Variants in PPIF observed in about 807,000 individuals in gnomAD.
PPIF encodes the protein peptidyl-prolyl cis-trans isomerase F, mitochondrial.
Under a neutral mutation model 20.2 loss-of-function variants are expected in PPIF, and 23 were observed. The observed-to-expected ratio is 1.14, with a 90% CI of 0.82 to 1.61. The LOEUF is 1.61. Among genes scored for constraint, PPIF ranks in the 40% most tolerant of loss-of-function variants. PPIF has a pLI of 0.00. For synonymous variants in PPIF, 113 were observed against 123.1 expected, an observed-to-expected ratio of 0.92 and a Z score of 0.54; for missense variants, 287 against 291.6, an observed-to-expected ratio of 0.98 and a Z score of 0.11.
At position 79,347,690 on chromosome 10, in the gene PPIF, G is replaced by C; in HGVS notation, c.142G>C (p.Val48Leu). The C allele has an allele frequency of 6.7e-7, 1 of 1,483,004 alleles. No individual in the cohort carries two copies. The highest frequency in any genetic ancestry group is 9.0e-7 in the Non-Finnish European group (1 of 1,113,094). 91.9% of individuals were successfully genotyped at this position (1,483,004 alleles called of 1,614,324 possible). The part of the protein sequence containing the change: ...SSSSSSGNPL[V>L]YLDVDANGKP... ...TTCCTCCTCCTCCGGGAACCCGCTC[G>C]TGTACCTGGACGTGGACGCCAACGG... Residue 48 changes from valine (V) to leucine (L), a missense_variant, in exon 1 of 6, where the codon GTG (valine) becomes CTG (leucine). Physicochemically the swap from Val to Leu is conservative, Grantham distance 32. Coordinates refer to ENST00000225174, the MANE Select transcript of PPIF (RefSeq NM_005729.4).
chr10:79,352,552 T>A (rs1267004144), intron 5 of PPIF, among the ~76,000 whole-genome samples, 160 bp downstream of exon 5: 1 of 152,170 alleles, frequency 6.6e-6, no homozygotes, highest in Non-Finnish European at 1.5e-5. Flanking sequence ...AGAAAGTTAG[T>A]GGAAGGATCA....
At chr10:79,350,864 G>C (rs1264785864) in intron 3 of PPIF, among the ~76,000 whole-genome samples, 2 of 152,220 alleles carry the variant, frequency 1.3e-5, no homozygotes, top group Non-Finnish European at 2.9e-5. Flanking sequence ...CATGGCCTGG[G>C]CTGGGCAGCG....
At position 79,347,665 on chromosome 10, in the gene PPIF, T is replaced by TTCC; in HGVS notation, c.127_129dup (p.Ser43dup). ...GCAAGGGCTCCGGCGACCCGTCCTC[T>TTCC]TCCTCCTCCTCCGGGAACCCGCTCG... is the stretch of plus-strand genomic sequence containing the variant. On this transcript the variant is annotated inframe_insertion, in exon 1 of 6. Transcript: ENST00000225174. The TTCC allele has an allele frequency of 1.4e-6, 2 of 1,473,690 alleles. No homozygotes were observed. The highest frequency in any genetic ancestry group is 1.3e-5 in the South Asian group (1 of 75,624). 91.3% of individuals were successfully genotyped at this position (1,473,690 alleles called of 1,614,324 possible).
chr10:79,347,827 C>T lies in PPIF; in HGVS notation c.195+84C>T. ...GCCCCGGGCGGCGCGGTGCCGGGCG[C>T]GCTGGGTGACCTTGGGCCTCCCCAT... is the stretch of plus-strand genomic sequence containing the variant. On this transcript the variant is annotated intron_variant, in intron 1 of 5. Coordinates refer to ENST00000225174, the MANE Select transcript of PPIF (RefSeq NM_005729.4). 1.6e-6 allele frequency: 2 copies of T among 1,238,566 alleles called. 1 individual carries two copies. The highest frequency in any genetic ancestry group is 2.0e-6 in the Non-Finnish European group (2 of 987,598). The allele number at this position is 1,238,566 out of a possible 1,614,324, so 76.7% of individuals were successfully genotyped here. A position where few individuals can be genotyped will look rare whatever the true frequency, so the allele number is the denominator to read the frequency against.
chr10:79,351,457 A>C lies in PPIF; in HGVS notation c.316-30A>C, dbSNP rs773928158. 1.6e-5 allele frequency: 26 copies of C among 1,609,072 alleles called. 1 individual carries two copies. In the South Asian group the frequency reaches 2.5e-4, roughly 16 times the overall value. On this transcript the variant is annotated intron_variant, in intron 3 of 5. Transcript: ENST00000225174. ...CCGTGGCCCCCGCCTGCTCCATGGT[A>C]GCCACTCAGAAGGTGCTTTGTGCTC... is the stretch of plus-strand genomic sequence containing the variant.
chr10:79,348,719 G>A (rs897276127), intron 1 of PPIF, among the ~76,000 whole-genome samples: 4 of 152,128 alleles, frequency 2.6e-5, no homozygotes, highest in South Asian at 2.1e-4. Flanking sequence ...CCGAATGGAG[G>A]AGCTGGTCTG....
chr10:79,352,397 G>A lies in PPIF; in HGVS notation c.488+5G>A, dbSNP rs1323274940. ...CTGCACCATAAAGACAGACTGGTGA[G>A]TTCCCTGCCCCAGGCCCTCTGGGAA... On this transcript the variant is annotated splice_donor_5th_base_variant and intron_variant, in intron 5 of 5. Transcript: ENST00000225174. 2 of 1,613,126 alleles carry A rather than the reference G, an allele frequency of 1.2e-6. No homozygotes were observed. The highest frequency in any genetic ancestry group is 1.7e-6 in the Non-Finnish European group (2 of 1,179,056).
chr10:79,351,425 G>C (rs982732294), intron 3 of PPIF, 62 bp from the exon 4 acceptor site: 2 of 1,549,898 alleles, frequency 1.3e-6, no homozygotes, highest in Non-Finnish European at 1.8e-6. Context: ...TGCTGCCAGC[G>C]CCAGGGCCGT....
chr10:79,348,584 C>T (rs1470248930), intron 1 of PPIF, among the ~76,000 whole-genome samples: 3 of 152,182 alleles, frequency 2.0e-5, no homozygotes, highest in Non-Finnish European at 2.9e-5. Flanking sequence ...TAGGGACACC[C>T]TTCCTGCTTC....
chr10:79,352,845 A>G (rs1394220592), intron 5 of PPIF, among the ~76,000 whole-genome samples: 1 of 152,248 alleles, frequency 6.6e-6, no homozygotes, highest in Non-Finnish European at 1.5e-5. Context: ...AAATTTCCAA[A>G]TGAAGCCTCT....
intron 4 of PPIF, 81 bp downstream of exon 4, chr10:79,351,664 C>A (rs1855985146): frequency 1.6e-6 from 2 of 1,279,514 alleles, no homozygotes; most frequent in Non-Finnish European, 2.2e-6. Context: ...TGAGAGGCCA[C>A]ATGCAGTCAC....
chr10:79,352,163 G>A (rs1397481637), intron 4 of PPIF, among the ~76,000 whole-genome samples, 154 bp from the exon 5 acceptor site: 1 of 152,154 alleles, frequency 6.6e-6, no homozygotes, highest in South Asian at 2.1e-4. Flanking sequence ...CATACCCTGG[G>A]GGGCTGGTAT....
intron 2 of PPIF, 107 bp from the exon 3 acceptor site, chr10:79,349,558 A>G: frequency 6.5e-7 from 1 of 1,534,120 alleles, no homozygotes; most frequent in East Asian, 2.4e-5. Context: ...CAGAGTCTTT[A>G]TCCCCCTGTT....
chr10:79,348,941 A>C, intron 1 of PPIF, 135 bp from the exon 2 acceptor site: 1 of 1,592,110 alleles, frequency 6.3e-7, no homozygotes, highest in Non-Finnish European at 8.6e-7. Flanking sequence ...GGTTGGCAAT[A>C]ATGGGAATGG....
At chr10:79,353,156 G>T (rs1379972862) in intron 5 of PPIF, among the ~76,000 whole-genome samples, 1 of 152,232 alleles carries the variant, frequency 6.6e-6, no homozygotes, top group African/African-American at 2.4e-5. Flanking sequence ...GGCTCAGCCT[G>T]CTCTTTGCTC....
intron 2 of PPIF, among the ~76,000 whole-genome samples, 179 bp from the exon 3 acceptor site, chr10:79,349,486 G>A (rs1312717466): frequency 2.0e-5 from 3 of 152,274 alleles, no homozygotes; most frequent in Non-Finnish European, 4.4e-5. Flanking sequence ...CTGAGGACAG[G>A]GAAGGGGAGT....
intron 4 of PPIF, among the ~76,000 whole-genome samples, chr10:79,351,995 G>A (rs1208424136): frequency 1.3e-5 from 2 of 152,208 alleles, no homozygotes; most frequent in Non-Finnish European, 2.9e-5. Flanking sequence ...TGGCAGCATC[G>A]TGTCACCTAT....
intron 5 of PPIF, among the ~76,000 whole-genome samples, chr10:79,353,078 C>T (rs1450235650): frequency 1.3e-5 from 2 of 152,240 alleles, no homozygotes; most frequent in East Asian, 3.9e-4. Flanking sequence ...CTAGGTGGGG[C>T]AGACACTAGA....
At chr10:79,352,248 C>T in intron 4 of PPIF, 69 bp from the exon 5 acceptor site, 3 of 1,410,074 alleles carry the variant, frequency 2.1e-6, no homozygotes, top group Non-Finnish European at 3.0e-6. Flanking sequence ...GCACCGTCTG[C>T]CCTTTCAAAT....
Sources: allele counts gnomAD v4.1 joint callset (sites outside exome capture counted in the v4.1 genomes callset), GRCh38; gene constraint gnomAD v4.1.1; transcripts MANE v1.5; gene names NCBI Gene and HGNC (gene_info 2026-07-23, HGNC 2026-07-21).